GABRB1: variants seen among roughly 807,000 people sequenced by gnomAD.
The protein encoded by GABRB1 is gamma-aminobutyric acid receptor subunit beta-1.
A neutral mutation model predicts 51.6 loss-of-function variants in GABRB1; 17 were observed. The ratio of observed to expected loss-of-function variants is 0.33; its 90% CI spans 0.23 to 0.49. GABRB1 has a LOEUF of 0.49. Ranked by LOEUF, GABRB1 falls within the 20% of genes least tolerant of loss-of-function variation. GABRB1 has a pLI of 0.99. For synonymous variants in GABRB1, 247 were observed against 218.9 expected (o/e 1.13, Z -1.14); for missense variants, 410 against 600.6 (o/e 0.68, Z 3.32).
rs1715641725 is a variant in GABRB1, at chr4:47,119,260, C to T, written c.241-41989C>T. On this transcript the variant is annotated intron_variant, in intron 3 of 8. Transcript: ENST00000295454. Reference sequence around the variant, plus strand: ...AATAAAATAAAATTATATTTTTATTCATATTATACCCCAAATAAATTTCAG... The same window carrying T: ...AATAAAATAAAATTATATTTTTATTTATATTATACCCCAAATAAATTTCAG... 2.0e-5 allele frequency among the ~76,000 whole-genome samples: 3 copies of T among 151,994 alleles called. No homozygotes were observed. In the South Asian group the frequency reaches 6.2e-4, roughly 32 times the overall value.
At chr4:47,039,793 C>A (rs1266835280) in intron 3 of GABRB1, among the ~76,000 whole-genome samples, 1 of 152,182 alleles carries the variant, frequency 6.6e-6, no homozygotes, top group Non-Finnish European at 1.5e-5. Context: ...GTTCTGGGAA[C>A]TACAGATAAT....
intron 4 of GABRB1, among the ~76,000 whole-genome samples, chr4:47,274,033 G>A (rs190690285): frequency 1.1e-3 from 164 of 151,996 alleles, no homozygotes; most frequent in East Asian, 5.0e-3. Context: ...ACATGAATAC[G>A]TATTTTTCTT....
intron 5 of GABRB1, among the ~76,000 whole-genome samples, chr4:47,330,316 C>T (rs1725432533): frequency 6.6e-6 from 1 of 152,126 alleles, no homozygotes; most frequent in Non-Finnish European, 1.5e-5. Flanking sequence ...TACTGGACAC[C>T]TCGTGATCCA....
Position 47,238,289 on chromosome 4 carries a change from T to G in GABRB1, c.461+76820T>G, listed in dbSNP as rs377465961. ...AAACTGTGATTAACATGTATGATCA[T>G]TATACCGATTCTGCTTAATATCCTT... On this transcript the variant is annotated intron_variant, in intron 4 of 8. Coordinates refer to ENST00000295454, the MANE Select transcript of GABRB1 (RefSeq NM_000812.4). Among the ~76,000 whole-genome samples the G allele has an allele frequency of 2.4e-3, 369 of 152,250 alleles. 4 individuals are homozygous for G. Among genetic ancestry groups the G allele is most frequent in the African/African-American group, 8.0e-3 (334 of 41,578 alleles).
intron 3 of GABRB1, among the ~76,000 whole-genome samples, chr4:47,066,275 C>T (rs1464545839): frequency 6.6e-6 from 1 of 152,154 alleles, no homozygotes; most frequent in African/African-American, 2.4e-5. Flanking sequence ...TGCTAATGAT[C>T]ATCTTGCCTT....
Position 46,999,807 on chromosome 4 carries a change from C to T in GABRB1, c.-20+5881C>T, listed in dbSNP as rs1329503418. Among the ~76,000 whole-genome samples, 3 of 152,314 alleles carry T rather than the reference C, an allele frequency of 2.0e-5. No homozygotes were observed. The East Asian group carries it at 5.8e-4, about 29-fold the overall frequency. On this transcript the variant is annotated intron_variant, in intron 1 of 3. Transcript: ENST00000513567. ...ATAGACTTTGCAGAGAACAGACATG[C>T]TGACATCACAGCCTGAATATTCACT... is the stretch of plus-strand genomic sequence containing the variant.
At chr4:47,425,377 C>CCACA (rs34275303) in intron 8 of GABRB1, among the ~76,000 whole-genome samples, 6,620 of 138,236 alleles carry the variant, frequency 0.048, 167 homozygotes, top group East Asian at 0.07. Context: ...AGAAGAAATA[C>CCACA]CACACACACA....
At chr4:47,106,086 C>A (rs1413274172) in intron 3 of GABRB1, among the ~76,000 whole-genome samples, 1 of 152,012 alleles carries the variant, frequency 6.6e-6, no homozygotes, top group Non-Finnish European at 1.5e-5. Context: ...TGTAATTTTA[C>A]AAATTATCTG....
intron 5 of GABRB1, among the ~76,000 whole-genome samples, chr4:47,352,995 A>G (rs1041625252): frequency 5.9e-5 from 9 of 152,226 alleles, no homozygotes; most frequent in African/African-American, 1.7e-4. Context: ...ACAGTTCCAC[A>G]TGGTTGGGGA....
At chr4:47,101,870 G>A (rs1006863026) in intron 3 of GABRB1, among the ~76,000 whole-genome samples, 1 of 152,000 alleles carries the variant, frequency 6.6e-6, no homozygotes, top group Non-Finnish European at 1.5e-5. Context: ...ATTTCAGAAA[G>A]AGAATGAAAG....
chr4:47,150,752 G>C (rs1717407679), intron 3 of GABRB1, among the ~76,000 whole-genome samples: 1 of 151,832 alleles, frequency 6.6e-6, no homozygotes, highest in Non-Finnish European at 1.5e-5. Context: ...AGGAGGAGAG[G>C]TGATAAGCAA....
chr4:47,099,368 T>C (rs1221500610), intron 3 of GABRB1, among the ~76,000 whole-genome samples: 1 of 152,110 alleles, frequency 6.6e-6, no homozygotes, highest in Non-Finnish European at 1.5e-5. Flanking sequence ...ATGAACTATG[T>C]TGGACTTTTC....
chr4:47,019,606 C>CT (rs1724850891), intron 1 of GABRB1, among the ~76,000 whole-genome samples: 2 of 110,650 alleles, frequency 1.8e-5, no homozygotes, highest in Non-Finnish European at 3.8e-5. Context: ...CCCTTCCTCC[C>CT]TTCTTTCTTT....
At chr4:47,221,099 C>T (rs1720751954) in intron 4 of GABRB1, among the ~76,000 whole-genome samples, 1 of 151,994 alleles carries the variant, frequency 6.6e-6, no homozygotes, top group Admixed American at 6.6e-5. Context: ...ATGATTCTTA[C>T]AAAAGAAATT....
intron 3 of GABRB1, chr4:47,042,982 G>A (rs7676327): frequency 0.49 from 74,772 of 151,706 alleles, 18,563 homozygotes; most frequent in Non-Finnish European, 0.53. Flanking sequence ...CAGTAAATGT[G>A]GTAAATCAAC....
In GABRB1 at chr4:47,331,835, G is replaced by A. The variant is rs1246102881; in HGVS notation, c.544+11626G>A. Among the ~76,000 whole-genome samples the A allele has an allele frequency of 3.3e-5, 5 of 152,252 alleles. 1 individual carries two copies. The South Asian group carries it at 1.0e-3, about 32-fold the overall frequency. On this transcript the variant is annotated intron_variant, in intron 5 of 8. Transcript: ENST00000295454. ...CACAAGAAGAAAATCGAACCATCAA[G>A]GTAGTAACTAGCTTCAAGACAAAAA...
intron 3 of GABRB1, among the ~76,000 whole-genome samples, chr4:47,042,739 A>C (rs1398601693): frequency 6.6e-6 from 1 of 151,904 alleles, no homozygotes; most frequent in Non-Finnish European, 1.5e-5. Flanking sequence ...TTTAAAAGGT[A>C]ACCAAAGACC....
intron 3 of GABRB1, among the ~76,000 whole-genome samples, chr4:47,103,356 T>C (rs970762409): frequency 2.0e-5 from 3 of 152,022 alleles, no homozygotes; most frequent in Non-Finnish European, 2.9e-5. Flanking sequence ...GAAAATCTTT[T>C]CCCAATGGTA....
intron 3 of GABRB1, among the ~76,000 whole-genome samples, chr4:47,064,760 C>T (rs1191117940): frequency 2.0e-5 from 3 of 151,846 alleles, no homozygotes; most frequent in Non-Finnish European, 2.9e-5. Flanking sequence ...ATGACAGCAC[C>T]ATGACTGAAA....
Sources: gnomAD v4.1 joint callset for allele counts (sites outside exome capture counted in the v4.1 genomes callset) on GRCh38, gnomAD v4.1.1 for gene constraint, MANE v1.5 for transcripts, NCBI Gene and HGNC (gene_info 2026-07-23, HGNC 2026-07-21) for gene names.